UST: variants seen among roughly 807,000 people sequenced by gnomAD.
UST encodes chondroitin sulfate 2-O-sulfotransferase.
In UST, 21 loss-of-function variants were observed where a neutral mutation model predicts 45.6. The ratio of observed to expected loss-of-function variants is 0.46; its 90% CI spans 0.33 to 0.66. The LOEUF is 0.66. Ranked by LOEUF, UST falls within the 30% of genes least tolerant of loss-of-function variation. The pLI is 0.02. For synonymous variants in UST, 215 were observed against 200.6 expected, an observed-to-expected ratio of 1.07 and a Z score of -0.61; for missense variants, 463 against 512.4, an observed-to-expected ratio of 0.90 and a Z score of 0.93.
At chr6:148,812,633 G>A (rs1017653151) in intron 1 of UST, among the ~76,000 whole-genome samples, 6 of 152,200 alleles carry the variant, frequency 3.9e-5, no homozygotes, top group Admixed American at 3.9e-4. Context: ...TCAGTTTCTG[G>A]CCACATGGGT....
At chr6:148,913,123 C>CT (rs1453134933) in intron 2 of UST, among the ~76,000 whole-genome samples, 2 of 152,180 alleles carry the variant, frequency 1.3e-5, no homozygotes, top group South Asian at 2.1e-4. Flanking sequence ...CCAGTAAGGA[C>CT]TTGCAATGCC....
chr6:148,977,527 G>T (rs528447207), intron 5 of UST, among the ~76,000 whole-genome samples: 1 of 151,948 alleles, frequency 6.6e-6, no homozygotes, highest in African/African-American at 2.4e-5. Context: ...CAGGGCGGGC[G>T]GATCATGAGG....
chr6:148,902,719 C>T (rs143397358), intron 2 of UST, among the ~76,000 whole-genome samples: 74 of 152,168 alleles, frequency 4.9e-4, no homozygotes, highest in African/African-American at 1.8e-3. Flanking sequence ...TGAACCTACT[C>T]TTATTTGGAT....
intron 1 of UST, among the ~76,000 whole-genome samples, chr6:148,823,912 G>A (rs549755134): frequency 6.6e-6 from 1 of 152,108 alleles, no homozygotes; most frequent in Non-Finnish European, 1.5e-5. Flanking sequence ...AGCAATTTTC[G>A]TGTCACTTAT....
intron 1 of UST, among the ~76,000 whole-genome samples, chr6:148,831,043 A>G (rs1192302163): frequency 6.6e-6 from 1 of 150,478 alleles, no homozygotes; most frequent in East Asian, 2.1e-4. Flanking sequence ...AAATTAAAAG[A>G]AAGATGAAAG....
In UST at chr6:149,011,665, G is replaced by T. The variant is rs114320281; in HGVS notation, c.682-7474G>T. Among the ~76,000 whole-genome samples the T allele has an allele frequency of 5.0e-3, 768 of 152,166 alleles. 7 individuals are homozygous for T. The highest frequency in any genetic ancestry group is 0.017 in the African/African-American group (712 of 41,496). On this transcript the variant is annotated intron_variant, in intron 5 of 7. Coordinates refer to ENST00000367463, the MANE Select transcript of UST (RefSeq NM_005715.3). ...GTCTCTACTAAAAATACAAAAACTAGCCGGGTGTGGGTGGCATGTGCCTGT... is the reference window on the plus strand; with the variant it reads ...GTCTCTACTAAAAATACAAAAACTATCCGGGTGTGGGTGGCATGTGCCTGT...
intron 1 of UST, among the ~76,000 whole-genome samples, chr6:148,802,210 T>C (rs1777068559): frequency 6.6e-6 from 1 of 152,206 alleles, no homozygotes; most frequent in South Asian, 2.1e-4. Flanking sequence ...TCCAAATCCC[T>C]ATCCCAGACT....
At chr6:148,885,610 A>G (rs1778898461) in intron 1 of UST, among the ~76,000 whole-genome samples, 1 of 152,146 alleles carries the variant, frequency 6.6e-6, no homozygotes, top group Non-Finnish European at 1.5e-5. Flanking sequence ...TTCCTTTACT[A>G]TATACAAATG....
intron 4 of UST, among the ~76,000 whole-genome samples, chr6:148,962,523 C>G (rs566058888): frequency 4.6e-5 from 7 of 152,326 alleles, no homozygotes; most frequent in African/African-American, 1.4e-4. Context: ...TGCTGTTTAT[C>G]ATAGATATGA....
At chr6:148,868,944 T>C (rs1778498507) in intron 1 of UST, among the ~76,000 whole-genome samples, 1 of 152,212 alleles carries the variant, frequency 6.6e-6, no homozygotes, top group African/African-American at 2.4e-5. Flanking sequence ...TTATAAATGA[T>C]GATTTTAACC....
chr6:148,853,790 G>C (rs1445792370), intron 1 of UST, among the ~76,000 whole-genome samples: 1 of 152,068 alleles, frequency 6.6e-6, no homozygotes. Context: ...CATGTCCTTT[G>C]TCCACTTTTT....
intron 1 of UST, among the ~76,000 whole-genome samples, chr6:148,823,418 A>G (rs928630348): frequency 6.6e-6 from 1 of 152,204 alleles, no homozygotes; most frequent in African/African-American, 2.4e-5. Context: ...CTTGAAATCA[A>G]TAGTAATCTG....
At chr6:148,963,391 G>A (rs934898503) in intron 4 of UST, among the ~76,000 whole-genome samples, 16 of 152,150 alleles carry the variant, frequency 1.1e-4, no homozygotes, top group African/African-American at 3.1e-4. Context: ...CACTCTCCCC[G>A]AACTCCTCAA....
intron 7 of UST, among the ~76,000 whole-genome samples, chr6:149,047,675 C>T (rs957721085): frequency 1.3e-5 from 2 of 152,128 alleles, no homozygotes; most frequent in African/African-American, 4.8e-5. Flanking sequence ...GGAACAACAA[C>T]AACCAAAGAA....
At position 148,766,601 on chromosome 6, in the gene UST, A is replaced by G. The variant is rs1374970058; in HGVS notation, c.247+18924A>G. On this transcript the variant is annotated intron_variant, in intron 1 of 7. Coordinates refer to ENST00000367463, the MANE Select transcript of UST (RefSeq NM_005715.3). ...TGAGGTGTGTTGAACAGGGGGAGTT[A>G]AAAGAGGTAGTAGAGGCAGTGATTG... 7.2e-5 allele frequency among the ~76,000 whole-genome samples: 11 copies of G among 152,294 alleles called. No individual in the cohort carries two copies. In the East Asian group the frequency reaches 2.1e-3, roughly 29 times the overall value.
intron 2 of UST, among the ~76,000 whole-genome samples, chr6:148,924,437 G>T (rs1779773318): frequency 6.6e-6 from 1 of 152,176 alleles, no homozygotes; most frequent in African/African-American, 2.4e-5. Context: ...CGGGCACACA[G>T]TAGGAAGTTA....
At chr6:149,014,081 G>A (rs375231720) in intron 5 of UST, among the ~76,000 whole-genome samples, 3 of 152,230 alleles carry the variant, frequency 2.0e-5, no homozygotes, top group South Asian at 2.1e-4. Context: ...AGAAGCAGAC[G>A]AGAGGCCTGT....
Position 148,919,602 on chromosome 6 carries a change from T to C in UST, c.292-21677T>C, listed in dbSNP as rs534382208. ...TCATAATCTTGTCCCACAGGTACCA[T>C]GGTGGTCATGGCAAAATGCAGAACC... On this transcript the variant is annotated intron_variant, in intron 2 of 7. Coordinates refer to ENST00000367463, the MANE Select transcript of UST (RefSeq NM_005715.3). Among the ~76,000 whole-genome samples, 4 of 152,368 alleles carry C rather than the reference T, an allele frequency of 2.6e-5. No individual in the cohort carries two copies. In the South Asian group the frequency reaches 8.3e-4, roughly 32 times the overall value.
chr6:148,859,848 T>C (rs1389007158), intron 1 of UST, among the ~76,000 whole-genome samples: 1 of 152,192 alleles, frequency 6.6e-6, no homozygotes, highest in East Asian at 1.9e-4. Context: ...GTTCCATTGA[T>C]CTATATCTCT....
Sources: gnomAD v4.1 joint callset for allele counts (sites outside exome capture counted in the v4.1 genomes callset) on GRCh38, gnomAD v4.1.1 for gene constraint, MANE v1.5 for transcripts, NCBI Gene and HGNC (gene_info 2026-07-23, HGNC 2026-07-21) for gene names.